The following MYOM1 variants were observed in gnomAD, a reference collection of about 807,000 sequenced individuals.
MYOM1 encodes the protein myomesin 1.
Under a neutral mutation model 205.3 loss-of-function variants are expected in MYOM1, and 164 were observed. The observed-to-expected ratio is 0.80, with a 90% CI of 0.70 to 0.91. MYOM1 has a LOEUF of 0.91. MYOM1 is among the 40% of genes least tolerant of loss of function. The pLI is 0.00. For synonymous variants in MYOM1, 772 were observed against 789.4 expected (o/e 0.98, Z 0.37); for missense variants, 2,011 against 2,127.3 (o/e 0.95, Z 1.08).
In MYOM1 at chr18:3,189,361, C is replaced by CTTTTTTTTT. The variant is rs35154072; in HGVS notation, c.432-283_432-275dup. On this transcript the variant is annotated intron_variant, in intron 3 of 37. Transcript: ENST00000356443. This position sits in a 1 kb window ranked among gnomAD's most constrained non-coding sequence, Gnocchi z 4.8. ...CCCCTTACAAACCCTATGAGATAAA[C>CTTTTTTTTT]TTTTTTTTTTTTTTTGATATGGAGT... Among the ~76,000 whole-genome samples, 1 of 144,026 alleles carries CTTTTTTTTT rather than the reference C, an allele frequency of 6.9e-6. No homozygotes were observed. The allele number at this position is 144,026 out of a possible 152,430, so 94.5% of individuals were successfully genotyped here.
chr18:3,169,715 C>A (rs148465964), intron 8 of MYOM1, among the ~76,000 whole-genome samples: 1 of 152,260 alleles, frequency 6.6e-6, no homozygotes, highest in Non-Finnish European at 1.5e-5. Context: ...TAAATTAGTA[C>A]AACCACTATG....
At chr18:3,181,633 G>T (rs1241399220) in intron 5 of MYOM1, among the ~76,000 whole-genome samples, 1 of 151,468 alleles carries the variant, frequency 6.6e-6, no homozygotes, top group African/African-American at 2.4e-5. Flanking sequence ...CTCTGCCTTT[G>T]TAACTATTTT....
At chr18:3,241,009 T>A in the MYOM1 span, among the ~76,000 whole-genome samples, 2 of 152,332 alleles carry the variant, frequency 1.3e-5, no homozygotes, top group African/African-American at 4.8e-5. Flanking sequence ...AAGAAATTTC[T>A]AAGCAGCAAA....
intron 8 of MYOM1, 48 bp downstream of exon 8, chr18:3,173,890 C>A (rs1567949606): frequency 1.2e-5 from 18 of 1,535,554 alleles, no homozygotes; most frequent in Non-Finnish European, 1.4e-5. Flanking sequence ...CTTATTATGC[C>A]ATATTTTACA....
intron 2 of MYOM1, among the ~76,000 whole-genome samples, chr18:3,204,639 T>A (rs1411064018): frequency 6.6e-6 from 1 of 151,918 alleles, no homozygotes; most frequent in Non-Finnish European, 1.5e-5. Context: ...AAAATGATAC[T>A]TTTTTTCAAA....
chr18:3,117,877 C>T (rs1174012200), intron 20 of MYOM1, among the ~76,000 whole-genome samples: 1 of 152,144 alleles, frequency 6.6e-6, no homozygotes, highest in Non-Finnish European at 1.5e-5. Flanking sequence ...TTGTATAAAG[C>T]TATATTTAAA....
intron 5 of MYOM1, among the ~76,000 whole-genome samples, chr18:3,180,497 A>G (rs550833203): frequency 6.6e-6 from 1 of 152,348 alleles, no homozygotes; most frequent in East Asian, 1.9e-4. Flanking sequence ...TTTAGCTTTA[A>G]GTCAGGGAAG....
rs1171657622 is a variant in MYOM1, at chr18:3,075,710, G to A, written c.4685+15C>T. ...TAGTGCATGCAAGTGGCATTTGCTA[G>A]GACCAGGGACTTACTTCAACCTCTG... On this transcript the variant is annotated intron_variant, in intron 35 of 37. Transcript: ENST00000356443. The A allele has an allele frequency of 6.2e-7, 1 of 1,602,878 alleles. No individual in the cohort carries two copies. Among genetic ancestry groups the A allele is most frequent in the Non-Finnish European group, 8.5e-7 (1 of 1,173,534 alleles).
At chr18:3,085,636 C>G (rs1262315752) in intron 30 of MYOM1, among the ~76,000 whole-genome samples, 1 of 152,132 alleles carries the variant, frequency 6.6e-6, no homozygotes, top group Non-Finnish European at 1.5e-5. Context: ...TTATTAAAAA[C>G]TAGTGATCAC....
In MYOM1 at chr18:3,099,017, G is replaced by A. The variant is rs544131803; in HGVS notation, c.3727+1142C>T. On this transcript the variant is annotated intron_variant, in intron 25 of 37. Transcript: ENST00000356443. ...TGCCCAGGGTGGAGTGCAGTAGCGT[G>A]ATCATGGCTCACTGCAGCCTTGAAC... 2.0e-5 allele frequency among the ~76,000 whole-genome samples: 3 copies of A among 152,266 alleles called. No homozygotes were observed. The South Asian group carries it at 6.2e-4, about 32-fold the overall frequency.
chr18:3,163,328 G>C (rs962171892), intron 10 of MYOM1, among the ~76,000 whole-genome samples: 1 of 152,224 alleles, frequency 6.6e-6, no homozygotes, highest in Non-Finnish European at 1.5e-5. Context: ...CAGTCATAGG[G>C]AACTGTACTA....
the MYOM1 span, among the ~76,000 whole-genome samples, chr18:3,227,678 G>C: frequency 6.6e-5 from 10 of 152,072 alleles, no homozygotes; most frequent in Non-Finnish European, 1.2e-4. Context: ...AATTAGCTGG[G>C]TATGGTGGCA....
At chr18:3,101,562 CAT>C (rs558531950) in intron 23 of MYOM1, among the ~76,000 whole-genome samples, 110 of 152,298 alleles carry the variant, frequency 7.2e-4, no homozygotes, top group African/African-American at 2.6e-3. Flanking sequence ...TATACTTCCA[CAT>C]AGAGCTTTCT....
chr18:3,236,202 G>C, the MYOM1 span, among the ~76,000 whole-genome samples: 1 of 152,310 alleles, frequency 6.6e-6, no homozygotes, highest in Non-Finnish European at 1.5e-5. Context: ...GCAGAACAAT[G>C]ATGTGCTCTA....
chr18:3,177,080 T>C (rs2080651834), intron 5 of MYOM1, among the ~76,000 whole-genome samples: 1 of 151,886 alleles, frequency 6.6e-6, no homozygotes, highest in Admixed American at 6.6e-5. Context: ...ACCCTGAATC[T>C]ACAAAAACTA....
intron 37 of MYOM1, among the ~76,000 whole-genome samples, chr18:3,070,771 T>TGC (rs1555613459): frequency 6.8e-6 from 1 of 147,042 alleles, no homozygotes; most frequent in Non-Finnish European, 1.5e-5. Context: ...TGTGTGTGTG[T>TGC]GTGCACGTGT....
chr18:3,097,212 T>G (rs371187154), intron 25 of MYOM1, among the ~76,000 whole-genome samples: 19 of 152,048 alleles, frequency 1.2e-4, no homozygotes, highest in Admixed American at 5.9e-4. Context: ...CAACAGGAAG[T>G]GGGTATGAAT....
At chr18:3,157,521 T>TA (rs966258772) in intron 10 of MYOM1, among the ~76,000 whole-genome samples, 11 of 151,756 alleles carry the variant, frequency 7.2e-5, no homozygotes, top group Admixed American at 6.6e-5. Context: ...CTATGCATTT[T>TA]AAAAAAATAG....
rs1333678292 is a variant in MYOM1, at chr18:3,067,115, C to A, written c.*147G>T. On this transcript the variant is annotated 3_prime_UTR_variant, in exon 38 of 38. Transcript: ENST00000356443. ...ACAATTAAAGTGTCATTAGTTGGTG[C>A]TTTTTTATATGAGTGAAAGACCTGA... 4.6e-6 allele frequency: 4 copies of A among 861,016 alleles called. No individual in the cohort carries two copies. The Admixed American group carries it at 8.8e-5, about 19-fold the overall frequency. 53.3% of individuals were successfully genotyped at this position (861,016 alleles called of 1,614,324 possible). A position where few individuals can be genotyped will look rare whatever the true frequency, so the allele number is the denominator to read the frequency against.
Sources: gnomAD v4.1 joint callset for allele counts (sites outside exome capture counted in the v4.1 genomes callset) on GRCh38, gnomAD v4.1.1 for gene constraint, Gnocchi (gnomAD v3.1) non-coding constraint, MANE v1.5 for transcripts, NCBI Gene and HGNC (gene_info 2026-07-23, HGNC 2026-07-21) for gene names.